The following FMN1 variants were observed in gnomAD, a reference collection of about 807,000 sequenced individuals.
FMN1 encodes the protein formin 1, also known as formin-1.
In FMN1, 110 loss-of-function variants were observed where a neutral mutation model predicts 132.4. The ratio of observed to expected loss-of-function variants is 0.83; its 90% CI spans 0.71 to 0.97. The LOEUF (loss-of-function observed/expected upper bound fraction) is 0.97. Ranked by LOEUF, FMN1 falls within the 50% of genes least tolerant of loss-of-function variation. The pLI, the probability that FMN1 is intolerant of heterozygous loss-of-function variation, is 0.00. For missense variants in FMN1, 1,792 were observed against 1,705.3 expected (o/e 1.05, Z -0.90); for synonymous variants, 722 against 651.7 (o/e 1.11, Z -1.64).
chr15:33,011,040 C>G (rs2034690600), intron 6 of FMN1, among the ~76,000 whole-genome samples: 1 of 151,878 alleles, frequency 6.6e-6, no homozygotes, highest in Admixed American at 6.6e-5. Flanking sequence ...TATAAGGAGC[C>G]CATTCTAAAA....
intron 16 of FMN1, among the ~76,000 whole-genome samples, chr15:32,872,608 G>A (rs190576631): frequency 6.6e-6 from 1 of 152,334 alleles, no homozygotes; most frequent in East Asian, 1.9e-4. Flanking sequence ...GCCTCTTTAT[G>A]AATCAAGGAA....
chr15:32,941,138 C>T (rs886485253), intron 9 of FMN1, among the ~76,000 whole-genome samples: 1 of 152,074 alleles, frequency 6.6e-6, no homozygotes, highest in African/African-American at 2.4e-5. Flanking sequence ...TCCATGTTTA[C>T]GTGAAGCCAG....
intron 19 of FMN1, among the ~76,000 whole-genome samples, chr15:32,796,576 A>G (rs975135030): frequency 9.2e-5 from 14 of 152,230 alleles, no homozygotes; most frequent in Non-Finnish European, 1.5e-4. Context: ...ATATCATTAA[A>G]TAGATGTCAA....
rs577865381 is a variant in FMN1, at chr15:32,776,017, T to A, written c.4215+818A>T. Among the ~76,000 whole-genome samples the A allele has an allele frequency of 1.8e-4, 27 of 152,322 alleles. No individual in the cohort carries two copies. The South Asian group carries it at 5.6e-3, about 32-fold the overall frequency. On this transcript the variant is annotated intron_variant, in intron 20 of 20. Transcript: ENST00000616417. Reference sequence around the variant, plus strand: ...CAACAAGGAAAACAACTAATATTTATTGAGCTCTTATTATGTGTTAGGCAT... The same window carrying A: ...CAACAAGGAAAACAACTAATATTTAATGAGCTCTTATTATGTGTTAGGCAT...
At chr15:32,983,094 C>A (rs915581270) in intron 7 of FMN1, among the ~76,000 whole-genome samples, 1 of 152,074 alleles carries the variant, frequency 6.6e-6, no homozygotes, top group Non-Finnish European at 1.5e-5. Flanking sequence ...ATACATTGCC[C>A]AAAATTAGAA....
rs139611607 is a variant in FMN1 at position 33,183,997 on chromosome 15, C to T, written c.-196-3735G>A. ...AAACTTTTAAAAAATATATGTATCT[C>T]AAGGATATATCTTGAAATAAGGTAA... is the stretch of plus-strand genomic sequence containing the variant. On this transcript the variant is annotated intron_variant, in intron 2 of 20. Coordinates refer to ENST00000616417, the MANE Select transcript of FMN1 (RefSeq NM_001277313.2). 3.2e-3 allele frequency among the ~76,000 whole-genome samples: 494 copies of T among 152,118 alleles called. 1 individual carries two copies. Among genetic ancestry groups the T allele is most frequent in the African/African-American group, 0.01 (419 of 41,522 alleles).
At chr15:33,044,642 A>T (rs1349024925) in intron 6 of FMN1, among the ~76,000 whole-genome samples, 1 of 152,160 alleles carries the variant, frequency 6.6e-6, no homozygotes, top group African/African-American at 2.4e-5. Context: ...TGAGAGGATG[A>T]CCAGCTGCAG....
chr15:33,042,615 T>A (rs2036491345), intron 6 of FMN1, among the ~76,000 whole-genome samples: 1 of 152,206 alleles, frequency 6.6e-6, no homozygotes. Flanking sequence ...ACAAGAGTGT[T>A]GGTACTACAC....
At chr15:32,828,853 G>A (rs17816417) in intron 17 of FMN1, among the ~76,000 whole-genome samples, 1,966 of 152,274 alleles carry the variant, frequency 0.013, 16 homozygotes, top group Non-Finnish European at 0.021. Flanking sequence ...TAGTTTCAAC[G>A]TCTTTTACTT....
intron 3 of FMN1, among the ~76,000 whole-genome samples, chr15:33,178,197 TAGA>T (rs1295367495): frequency 6.6e-6 from 1 of 152,232 alleles, no homozygotes; most frequent in African/African-American, 2.4e-5. Context: ...ACTTCTATTC[TAGA>T]AGAACATTCA....
intron 16 of FMN1, among the ~76,000 whole-genome samples, chr15:32,868,278 G>A (rs1334281897): frequency 6.6e-6 from 1 of 152,186 alleles, no homozygotes; most frequent in Non-Finnish European, 1.5e-5. Flanking sequence ...ATTGCCTACA[G>A]TATTCAGCAG....
At chr15:32,892,561 C>T (rs541477050) in intron 15 of FMN1, among the ~76,000 whole-genome samples, 11 of 152,204 alleles carry the variant, frequency 7.2e-5, no homozygotes, top group Admixed American at 2.6e-4. Flanking sequence ...ATTAGGGTGA[C>T]GCTTGCTTCA....
At chr15:33,147,265 C>T (rs139763496) in intron 4 of FMN1, among the ~76,000 whole-genome samples, 40 of 152,198 alleles carry the variant, frequency 2.6e-4, no homozygotes, top group African/African-American at 5.8e-4. Flanking sequence ...AATTACAACC[C>T]GAAAAGGTTG....
intron 12 of FMN1, among the ~76,000 whole-genome samples, chr15:32,904,649 G>A (rs2060377481): frequency 1.3e-5 from 2 of 152,140 alleles, no homozygotes; most frequent in African/African-American, 4.8e-5. Flanking sequence ...AGTCCAGGAT[G>A]ACTTTGCAGT....
chr15:32,905,985 G>A (rs574880672), intron 12 of FMN1, among the ~76,000 whole-genome samples: 59 of 152,286 alleles, frequency 3.9e-4, no homozygotes, highest in African/African-American at 1.4e-3. Context: ...GGGTTTGCGT[G>A]TTCACGAAGC....
chr15:33,096,141 T>G lies in FMN1; in HGVS notation c.1868-7167A>C, dbSNP rs573580877. Among the ~76,000 whole-genome samples the G allele has an allele frequency of 2.6e-3, 398 of 152,310 alleles. 1 individual carries two copies. The highest frequency in any genetic ancestry group is 6.1e-3 in the Admixed American group (93 of 15,302). Reference sequence around the variant, plus strand: ...AAGGACATTCTTTATTTCATTCCTATCATCAAAAGGAAGAAACAAGCTGAT... The same window carrying G: ...AAGGACATTCTTTATTTCATTCCTAGCATCAAAAGGAAGAAACAAGCTGAT... On this transcript the variant is annotated intron_variant, in intron 4 of 20. Transcript: ENST00000616417.
chr15:32,900,687 C>T (rs1018779384), intron 13 of FMN1, among the ~76,000 whole-genome samples: 4 of 152,314 alleles, frequency 2.6e-5, no homozygotes, highest in Admixed American at 2.0e-4. Context: ...TTATTAAGTG[C>T]TTGTTGTATT....
At position 32,969,252 on chromosome 15, in the gene FMN1, C is replaced by G; in HGVS notation, c.2449G>C (p.Glu817Gln). 1 of 1,613,920 alleles carries G rather than the reference C, an allele frequency of 6.2e-7. No individual in the cohort carries two copies. Among genetic ancestry groups the G allele is most frequent in the Non-Finnish European group, 8.5e-7 (1 of 1,179,900 alleles). The change falls in exon 8 of 21, where the codon GAA (glutamate) becomes CAA (glutamine). Residue 817 changes from glutamate (E) to glutamine (Q), a missense_variant. Glu to Gln is a conservative substitution (Grantham distance 29). This residue lies in a region of FMN1 where 1,150 missense variants were observed against 1,043.1 expected (regional missense o/e 1.10). Transcript: ENST00000616417. ...TDRETFLKPCESESKTTRSNQ... is the reference protein window; with the variant it reads ...TDRETFLKPCQSESKTTRSNQ... ...CTTCTGGTTGTCTTGCTTTCACTTTCACAGGGCTTGAGGAAGGTCTCTCTG... is the reference window on the plus strand; with the variant it reads ...CTTCTGGTTGTCTTGCTTTCACTTTGACAGGGCTTGAGGAAGGTCTCTCTG...
chr15:32,974,038 A>C (rs2032004443), intron 7 of FMN1, among the ~76,000 whole-genome samples: 1 of 152,218 alleles, frequency 6.6e-6, no homozygotes, highest in Non-Finnish European at 1.5e-5. Context: ...GAAGTGTCAA[A>C]ACCAGTCCCT....
Sources: allele counts gnomAD v4.1 joint callset (sites outside exome capture counted in the v4.1 genomes callset), GRCh38; gene constraint gnomAD v4.1.1; regional missense constraint gnomAD v4.1.1; transcripts MANE v1.5; gene names NCBI Gene and HGNC (gene_info 2026-07-23, HGNC 2026-07-21).